ATP5ME: variants seen among roughly 807,000 people sequenced by gnomAD.
ATP5ME encodes ATP synthase membrane subunit e, also known as ATP synthase F(0) complex subunit e, mitochondrial.
In ATP5ME, 10 loss-of-function variants were observed where a neutral mutation model predicts 11.6. The ratio of observed to expected loss-of-function variants is 0.86; its 90% CI spans 0.53 to 1.46. The LOEUF (loss-of-function observed/expected upper bound fraction) is 1.46. ATP5ME is among the 40% of genes most tolerant of loss of function. The pLI, the probability that ATP5ME is intolerant of heterozygous loss-of-function variation, is 0.00. For synonymous variants in ATP5ME, 45 were observed against 33.5 expected (o/e 1.34, Z -1.19); for missense variants, 115 against 85.4 (o/e 1.35, Z -1.37).
rs186529185 is a variant in ATP5ME at position 673,884 on chromosome 4, C to T, written c.91+28G>A. On this transcript the variant is annotated intron_variant, in intron 2 of 3. Transcript: ENST00000304312. ...CTCCACAGGAAAGCCGAGCAGACCC[C>T]GCCCCGGCCCCGCCCGCGGTCACTC... 1.0e-3 allele frequency: 1,606 copies of T among 1,545,174 alleles called. 1 individual carries two copies. Among genetic ancestry groups the T allele is most frequent in the Non-Finnish European group, 1.3e-3 (1,493 of 1,146,792 alleles).
chr4:673,802 C>A, intron 2 of ATP5ME, 110 bp downstream of exon 2: 1 of 1,394,252 alleles, frequency 7.2e-7, no homozygotes, highest in Admixed American at 2.0e-5. Flanking sequence ...GGTCCTGCAG[C>A]CTCGCATGCG....
intron 1 of ATP5ME, 79 bp from the exon 2 acceptor site, chr4:674,045 G>T (rs1221481759): frequency 6.6e-7 from 1 of 1,506,584 alleles, no homozygotes; most frequent in Non-Finnish European, 8.9e-7. Flanking sequence ...GGGCGGGGTC[G>T]CTGGGCAGAG....
In ATP5ME at chr4:673,948, G is replaced by A. The variant is rs937640499; in HGVS notation, c.55C>T (p.Leu19=). 2 of 1,545,798 alleles carry A rather than the reference G, an allele frequency of 1.3e-6. No individual in the cohort carries two copies. Among genetic ancestry groups the A allele is most frequent in the African/African-American group, 1.4e-5 (1 of 73,004 alleles). ...PLIKLGRYSA[L]FLGVAYGATR... ...GCTCCGTAGGCCACACCGAGGAACA[G>A]GGCGGAGTAGCGGCCGAGCTGCGAA... is the stretch of plus-strand genomic sequence containing the variant. The change falls in exon 2 of 4, where the codon CTG becomes TTG. Residue 19 remains leucine (L), a synonymous_variant. Coordinates refer to ENST00000304312, the MANE Select transcript of ATP5ME (RefSeq NM_007100.4).
In ATP5ME at chr4:673,513, T is replaced by C. The variant is rs1343834033; in HGVS notation, c.92-112A>G. 377 of 1,547,100 alleles carry C rather than the reference T, an allele frequency of 2.4e-4. 3 individuals are homozygous for C. In the South Asian group the frequency reaches 4.2e-3, roughly 17 times the overall value. Reference sequence around the variant, plus strand: ...CGCTGTAAACCAGACGCACCTGCTGTTCCCGCTCTTTATGTTAATGCGAGT... The same window carrying C: ...CGCTGTAAACCAGACGCACCTGCTGCTCCCGCTCTTTATGTTAATGCGAGT... On this transcript the variant is annotated intron_variant, in intron 2 of 3. Transcript: ENST00000304312.
rs746387456 is a variant in ATP5ME at position 674,263 on chromosome 4, C to G, written c.-16G>C. 1.2e-6 allele frequency: 2 copies of G among 1,611,136 alleles called. No individual in the cohort carries two copies. Among genetic ancestry groups the G allele is most frequent in the Non-Finnish European group, 1.7e-6 (2 of 1,179,084 alleles). The stretch of plus-strand genomic sequence containing the variant: ...GTGGCACCATCTTGTCCCTGACCTC[C>G]GCACCGGAAGCACAACCTGCAGACG... On this transcript the variant is annotated 5_prime_UTR_variant, in exon 1 of 4. Coordinates refer to ENST00000304312, the MANE Select transcript of ATP5ME (RefSeq NM_007100.4).
chr4:673,181 C>T, intron 3 of ATP5ME, 122 bp downstream of exon 3: 1 of 1,490,724 alleles, frequency 6.7e-7, no homozygotes, highest in Non-Finnish European at 9.0e-7. Context: ...CCACGCCTGG[C>T]CAGCTTCCCC....
chr4:673,966 G>C lies in ATP5ME; in HGVS notation c.37C>G (p.Leu13Val), dbSNP rs1486269726. ...PPVQVSPLIKLGRYSALFLGV... is the reference protein window; with the variant it reads ...PPVQVSPLIKVGRYSALFLGV... Reference sequence around the variant, plus strand: ...AGGAACAGGGCGGAGTAGCGGCCGAGCTGCGAAAGAGGTTGGTCAGAGGCG... The same window carrying C: ...AGGAACAGGGCGGAGTAGCGGCCGACCTGCGAAAGAGGTTGGTCAGAGGCG... The change falls in exon 2 of 4, where the codon CTC becomes GTC. Residue 13 changes from leucine (L) to valine (V), a missense_variant and splice_region_variant. Leu to Val is a conservative substitution (Grantham distance 32, BLOSUM62 1). Transcript: ENST00000304312. 2 of 1,545,108 alleles carry C rather than the reference G, an allele frequency of 1.3e-6. No individual in the cohort carries two copies. The highest frequency in any genetic ancestry group is 1.7e-4 in the Middle Eastern group (1 of 5,944).
At chr4:674,171 G>T (rs369138207) in intron 1 of ATP5ME, 41 bp downstream of exon 1, 2 of 1,602,180 alleles carry the variant, frequency 1.2e-6, no homozygotes, top group South Asian at 2.2e-5. Flanking sequence ...GGACACGGGG[G>T]GGCCCAGAGC....
chr4:673,694 CAAG>C (rs2109304157), intron 2 of ATP5ME: 1 of 798,686 alleles, frequency 1.3e-6, no homozygotes, highest in South Asian at 1.7e-5. Context: ...CCGTTTTCAC[CAAG>C]AAGCAGCCGT....
intron 2 of ATP5ME, chr4:673,675 A>G: frequency 1.3e-6 from 1 of 765,492 alleles, no homozygotes. Context: ...TCGAACAGCC[A>G]TTTAGCACCC....
Position 673,519 on chromosome 4 carries a change from C to T in ATP5ME, c.92-118G>A, listed in dbSNP as rs2109303793. 4 of 1,535,358 alleles carry T rather than the reference C, an allele frequency of 2.6e-6. No homozygotes were observed. The South Asian group carries it at 4.7e-5, about 18-fold the overall frequency. ...AAACCAGACGCACCTGCTGTTCCCG[C>T]TCTTTATGTTAATGCGAGTCAACGC... On this transcript the variant is annotated intron_variant, in intron 2 of 3. Transcript: ENST00000304312.
Position 672,446 on chromosome 4 carries a change from C to T in ATP5ME, c.*54G>A. The T allele has an allele frequency of 6.2e-7, 1 of 1,611,840 alleles. No homozygotes were observed. The highest frequency in any genetic ancestry group is 8.5e-7 in the Non-Finnish European group (1 of 1,178,648). ...AATGAGGAGCCGGAGTATCACACAACACAGGAAGCTTTATTCATCCGCTGC... is the reference window on the plus strand; with the variant it reads ...AATGAGGAGCCGGAGTATCACACAATACAGGAAGCTTTATTCATCCGCTGC... On this transcript the variant is annotated 3_prime_UTR_variant, in exon 4 of 4. Transcript: ENST00000304312.
At chr4:673,683 C>G (rs531254525) in intron 2 of ATP5ME, 2 of 768,314 alleles carry the variant, frequency 2.6e-6, no homozygotes, top group African/African-American at 1.7e-5. Flanking sequence ...CCATTTAGCA[C>G]CCGTTTTCAC....
Position 673,349 on chromosome 4 carries a change from C to T in ATP5ME, c.144G>A (p.Lys48=), listed in dbSNP as rs375236762. 6.2e-6 allele frequency: 10 copies of T among 1,614,222 alleles called. No individual in the cohort carries two copies. In the African/African-American group the frequency reaches 1.2e-4, roughly 19 times the overall value. ...EEERRIAAEE[K]KKQDELKRIA... ...TCCGTTTCAGTTCATCCTGCTTCTT[C>T]TTCTCTTCTGCTGCTATCCTCCTCT... The change falls in exon 3 of 4, where the codon AAG becomes AAA. Residue 48 remains lysine (K), a synonymous_variant. Transcript: ENST00000304312.
At chr4:673,600 C>A (rs1426392362) in intron 2 of ATP5ME, 199 bp from the exon 3 acceptor site, 2 of 936,136 alleles carry the variant, frequency 2.1e-6, no homozygotes, top group Admixed American at 2.5e-5. Context: ...TGCTGCCCAC[C>A]CGCTCACGCA....
In ATP5ME at chr4:673,981, G is replaced by T; in HGVS notation, c.37-15C>A. On this transcript the variant is annotated splice_polypyrimidine_tract_variant and intron_variant, in intron 1 of 3. Transcript: ENST00000304312. ...TAGCGGCCGAGCTGCGAAAGAGGTT[G>T]GTCAGAGGCGGCGCGAAACGGGGCT... 1 of 1,543,752 alleles carries T rather than the reference G, an allele frequency of 6.5e-7. No individual in the cohort carries two copies.
chr4:672,593 GTTA>G (rs368273744), intron 3 of ATP5ME, 74 bp from the exon 4 acceptor site: 21 of 1,101,036 alleles, frequency 1.9e-5, no homozygotes, highest in South Asian at 7.1e-5. Flanking sequence ...CAGCTTCCCA[GTTA>G]TTTTTTTTTT....
rs1010217059 is a variant in ATP5ME at position 673,981 on chromosome 4, G to A, written c.37-15C>T. 1.9e-6 allele frequency: 3 copies of A among 1,543,752 alleles called. No individual in the cohort carries two copies. Among genetic ancestry groups the A allele is most frequent in the African/African-American group, 1.4e-5 (1 of 73,064 alleles). ...TAGCGGCCGAGCTGCGAAAGAGGTT[G>A]GTCAGAGGCGGCGCGAAACGGGGCT... is the stretch of plus-strand genomic sequence containing the variant. On this transcript the variant is annotated splice_polypyrimidine_tract_variant and intron_variant, in intron 1 of 3. Coordinates refer to ENST00000304312, the MANE Select transcript of ATP5ME (RefSeq NM_007100.4).
chr4:673,145 A>G (rs577503037), intron 3 of ATP5ME, among the ~76,000 whole-genome samples, 158 bp downstream of exon 3: 34 of 152,294 alleles, frequency 2.2e-4, no homozygotes, highest in Non-Finnish European at 4.1e-4. Context: ...TGGCCTCCCA[A>G]AGTGCTGGGA....
Sources: allele counts gnomAD v4.1 joint callset (sites outside exome capture counted in the v4.1 genomes callset), GRCh38; gene constraint gnomAD v4.1.1; transcripts MANE v1.5; gene names NCBI Gene and HGNC (gene_info 2026-07-23, HGNC 2026-07-21).